The following IL7R variants were observed in gnomAD, a reference collection of about 807,000 sequenced individuals.
IL7R encodes the protein interleukin-7 receptor subunit alpha.
A neutral mutation model predicts 47.0 loss-of-function variants in IL7R; 38 were observed. The observed-to-expected ratio is 0.81, with a 90% CI of 0.62 to 1.06. The LOEUF is 1.06. Ranked by LOEUF, IL7R falls within the 50% of genes least tolerant of loss-of-function variation. IL7R has a pLI of 0.00. For synonymous variants in IL7R, 221 were observed against 199.8 expected, an observed-to-expected ratio of 1.11 and a Z score of -0.89; for missense variants, 633 against 534.8, an observed-to-expected ratio of 1.18 and a Z score of -1.81.
Position 35,876,773 on chromosome 5 carries a change from A to AAGGAAATG in IL7R, c.*289_*296dup. ...AAAAAGAGGAAAGAATGAAAGAGTA[A>AAGGAAATG]AGGAAATGATTGAGGAGTGAGGAAG... On this transcript the variant is annotated 3_prime_UTR_variant, in exon 8 of 8. Transcript: ENST00000303115. 1 of 462,394 alleles carries AAGGAAATG rather than the reference A, an allele frequency of 2.2e-6. No homozygotes were observed. 28.6% of individuals were successfully genotyped at this position (462,394 alleles called of 1,614,324 possible). A position where few individuals can be genotyped will look rare whatever the true frequency, so the allele number is the denominator to read the frequency against.
In IL7R at chr5:35,878,659, G is replaced by T. The variant is rs572371508; in HGVS notation, c.*2173G>T. ...GAGGCTCCACAAAATCTCATGCCAG[G>T]TCTCTGATACCTTATTCACAGAAGT... On this transcript the variant is annotated 3_prime_UTR_variant, in exon 8 of 8. Coordinates refer to ENST00000303115, the MANE Select transcript of IL7R (RefSeq NM_002185.5). 4.3e-6 allele frequency: 1 copy of T among 232,590 alleles called. No homozygotes were observed. The highest frequency in any genetic ancestry group is 1.8e-4 in the South Asian group (1 of 5,508). The allele number at this position is 232,590 out of a possible 1,614,324, so 14.4% of individuals were successfully genotyped here.
chr5:35,868,745 C>T (rs756761795), intron 3 of IL7R, among the ~76,000 whole-genome samples: 1 of 152,162 alleles, frequency 6.6e-6, no homozygotes, highest in African/African-American at 2.4e-5. Context: ...TGACAAGGTC[C>T]TGGAGCATCA....
chr5:35,874,451 G>T lies in IL7R; in HGVS notation c.709G>T (p.Glu237Ter). The change falls in exon 6 of 8, where the codon GAG becomes TAG. Residue 237 changes from glutamate to a stop codon, truncating the protein, a stop_gained and splice_region_variant. Coordinates refer to ENST00000303115, the MANE Select transcript of IL7R (RefSeq NM_002185.5). LOFTEE classifies it high-confidence loss of function. ...RTPEINNSSG[E>*]MDPILLTISI... ...CACAATCTATTCTTGCTTTCCAGGG[G>T]AGATGGATCCTATCTTACTAACCAT... is the stretch of plus-strand genomic sequence containing the variant. The T allele has an allele frequency of 1.2e-5, 19 of 1,603,532 alleles. No homozygotes were observed. The highest frequency in any genetic ancestry group is 1.6e-5 in the Non-Finnish European group (19 of 1,170,256).
In IL7R at chr5:35,865,796, A is replaced by T. The variant is rs141270688; in HGVS notation, c.222-1510A>T. 7.0e-3 allele frequency among the ~76,000 whole-genome samples: 1,072 copies of T among 152,322 alleles called. 6 individuals carry two copies. The highest frequency in any genetic ancestry group is 9.2e-3 in the Non-Finnish European group (628 of 68,020). On this transcript the variant is annotated intron_variant, in intron 2 of 7. Transcript: ENST00000303115. ...AACCCCATCAAAAAGTGGGCAAAGG[A>T]TATGAACAGACACTTCTCAAAAGAA...
rs779934180 is a variant in IL7R at position 35,877,662 on chromosome 5, C to A, written c.*1176C>A. On this transcript the variant is annotated 3_prime_UTR_variant, in exon 8 of 8. Coordinates refer to ENST00000303115, the MANE Select transcript of IL7R (RefSeq NM_002185.5). ...CCAAGTTCTCCAGCAATAGAGGCTG[C>A]CACAAACTTCAGGGAGAAAGAGTTA... The A allele has an allele frequency of 4.3e-6, 1 of 233,302 alleles. No homozygotes were observed. The highest frequency in any genetic ancestry group is 8.5e-6 in the Non-Finnish European group (1 of 118,072). The allele number at this position is 233,302 out of a possible 1,614,324, so 14.5% of individuals were successfully genotyped here.
rs911496330 is a variant in IL7R at position 35,871,280 on chromosome 5, G to C, written c.537+67G>C. On this transcript the variant is annotated intron_variant, in intron 4 of 7. Transcript: ENST00000303115. ...TGTTTTCTATTTTGTTGGCCTAGTAGTGCATTTCCCCTGGGAGGGCCCAAC... is the reference window on the plus strand; with the variant it reads ...TGTTTTCTATTTTGTTGGCCTAGTACTGCATTTCCCCTGGGAGGGCCCAAC... The C allele has an allele frequency of 2.5e-5, 34 of 1,339,586 alleles. No homozygotes were observed. In the African/African-American group the frequency reaches 4.1e-4, roughly 16 times the overall value. 83.0% of individuals were successfully genotyped at this position (1,339,586 alleles called of 1,614,324 possible). A position where few individuals can be genotyped will look rare whatever the true frequency, so the allele number is the denominator to read the frequency against.
At chr5:35,859,616 T>G (rs1759748719) in intron 1 of IL7R, among the ~76,000 whole-genome samples, 1 of 152,122 alleles carries the variant, frequency 6.6e-6, no homozygotes, top group African/African-American at 2.4e-5. Context: ...CTGTTTGAGA[T>G]TTGTTGCTTT....
At chr5:35,861,065 A>G in intron 2 of IL7R, 75 bp downstream of exon 2, 1 of 1,434,342 alleles carries the variant, frequency 7.0e-7, no homozygotes, top group South Asian at 1.1e-5. Flanking sequence ...TAATAGCCAC[A>G]AAAGAAAGAA....
chr5:35,859,048 T>C (rs567338328), intron 1 of IL7R, among the ~76,000 whole-genome samples: 3 of 152,328 alleles, frequency 2.0e-5, no homozygotes, highest in East Asian at 3.9e-4. Flanking sequence ...GAAGGGAATT[T>C]TTCTTGGTTA....
rs1353252 is a variant in IL7R at position 35,857,075 on chromosome 5, G to C, written c.82+16G>C. On this transcript the variant is annotated intron_variant, in intron 1 of 7. Transcript: ENST00000303115. Reference sequence around the variant, plus strand: ...GCTCAAAATGGTGAGTCATTTCTAAGTTTTCTTATGGATTTTGGATTATCT... The same window carrying C: ...GCTCAAAATGGTGAGTCATTTCTAACTTTTCTTATGGATTTTGGATTATCT... 0.66 allele frequency: 995,999 copies of C among 1,504,278 alleles called. 335,029 individuals carry two copies. The highest frequency in any genetic ancestry group is 0.88 in the African/African-American group (63,670 of 72,710). The allele number at this position is 1,504,278 out of a possible 1,614,324, so 93.2% of individuals were successfully genotyped here. A position where few individuals can be genotyped will look rare whatever the true frequency, so the allele number is the denominator to read the frequency against.
chr5:35,878,588 A>C lies in IL7R; in HGVS notation c.*2102A>C. 1 of 232,950 alleles carries C rather than the reference A, an allele frequency of 4.3e-6. No individual in the cohort carries two copies. The highest frequency in any genetic ancestry group is 8.5e-6 in the Non-Finnish European group (1 of 117,836). 14.4% of individuals were successfully genotyped at this position (232,950 alleles called of 1,614,324 possible). ...CAGAAGACATTTTTCATCAGTGGGC[A>C]GGTGTTCTTTACCTTTTGTAGAAAT... is the stretch of plus-strand genomic sequence containing the variant. On this transcript the variant is annotated 3_prime_UTR_variant, in exon 8 of 8. Coordinates refer to ENST00000303115, the MANE Select transcript of IL7R (RefSeq NM_002185.5).
chr5:35,877,911 G>A lies in IL7R; in HGVS notation c.*1425G>A, dbSNP rs1254349692. The A allele has an allele frequency of 4.3e-6, 1 of 233,034 alleles. No individual in the cohort carries two copies. The highest frequency in any genetic ancestry group is 8.5e-6 in the Non-Finnish European group (1 of 118,050). The allele number at this position is 233,034 out of a possible 1,614,324, so 14.4% of individuals were successfully genotyped here. A position where few individuals can be genotyped will look rare whatever the true frequency, so the allele number is the denominator to read the frequency against. On this transcript the variant is annotated 3_prime_UTR_variant, in exon 8 of 8. Coordinates refer to ENST00000303115, the MANE Select transcript of IL7R (RefSeq NM_002185.5). ...CCTGGCTGTTCACAGAACCACAAAG[G>A]GCAGATGCTGCACAGAAAACTAGAG...
In IL7R at chr5:35,860,911, G is replaced by A; in HGVS notation, c.142G>A (p.Val48Met). ...ATTCTCATGCTATAGCCAGTTGGAA[G>A]TGAATGGATCGCAGCACTCACTGAC... ...YSFSCYSQLE[V>M]NGSQHSLTCA... is the part of the protein sequence containing the mutation. The change falls in exon 2 of 8, where the codon GTG becomes ATG. Residue 48 changes from valine to methionine, a missense_variant. Physicochemically the swap from Val to Met is conservative, Grantham distance 21. Coordinates refer to ENST00000303115, the MANE Select transcript of IL7R (RefSeq NM_002185.5). 6.2e-7 allele frequency: 1 copy of A among 1,613,620 alleles called. No individual in the cohort carries two copies. Among genetic ancestry groups the A allele is most frequent in the Non-Finnish European group, 8.5e-7 (1 of 1,179,552 alleles).
In IL7R at chr5:35,876,691, AC is replaced by A. The variant is rs1234477731; in HGVS notation, c.*207del. ...CATGAGTCAAGAGCATCCTGCTTCT[AC>A]CATGTGGATTTGGTCACAAGGTTTA... On this transcript the variant is annotated 3_prime_UTR_variant, in exon 8 of 8. Transcript: ENST00000303115. 1.6e-6 allele frequency: 1 copy of A among 617,790 alleles called. No individual in the cohort carries two copies. The highest frequency in any genetic ancestry group is 1.8e-5 in the African/African-American group (1 of 54,388). The allele number at this position is 617,790 out of a possible 1,614,324, so 38.3% of individuals were successfully genotyped here.
intron 3 of IL7R, among the ~76,000 whole-genome samples, chr5:35,867,785 A>G (rs1233408057): frequency 6.6e-6 from 1 of 151,932 alleles, no homozygotes; most frequent in African/African-American, 2.4e-5. Context: ...TTCCTTCCTT[A>G]CCTGTCCTTC....
Position 35,873,503 on chromosome 5 carries a change from GC to G in IL7R, c.562del (p.Leu188Ter), listed in dbSNP as rs1387689607. The G allele has an allele frequency of 3.1e-6, 5 of 1,613,982 alleles. No homozygotes were observed. Among genetic ancestry groups the G allele is most frequent in the East Asian group, 4.5e-5 (2 of 44,874 alleles). ...AGCATGTGAATTTATCCAGCACAAA[GC>G]TGACACTCCTGCAGAGAAAGCTCCA... ...WTHVNLSSTK[L>X]TLLQRKLQPA... On this transcript the variant is annotated frameshift_variant, in exon 5 of 8. Transcript: ENST00000303115. LOFTEE classifies it high-confidence loss of function.
chr5:35,876,663 C>T lies in IL7R; in HGVS notation c.*177C>T. ...CACTCTTCCTGAGTTCAGTGGCACT[C>T]AACATGAGTCAAGAGCATCCTGCTT... On this transcript the variant is annotated 3_prime_UTR_variant, in exon 8 of 8. Coordinates refer to ENST00000303115, the MANE Select transcript of IL7R (RefSeq NM_002185.5). The T allele has an allele frequency of 1.5e-6, 1 of 684,380 alleles. No homozygotes were observed. Among genetic ancestry groups the T allele is most frequent in the South Asian group, 1.7e-5 (1 of 58,024 alleles). The allele number at this position is 684,380 out of a possible 1,614,324, so 42.4% of individuals were successfully genotyped here. A position where few individuals can be genotyped will look rare whatever the true frequency, so the allele number is the denominator to read the frequency against.
chr5:35,878,952 G>A lies in IL7R; in HGVS notation c.*2466G>A, dbSNP rs934779198. ...GTCTGAGCCTCTGTCTGTTACTGTA[G>A]TATTTAAAATGCATGTATTATAATC... On this transcript the variant is annotated 3_prime_UTR_variant, in exon 8 of 8. Coordinates refer to ENST00000303115, the MANE Select transcript of IL7R (RefSeq NM_002185.5). 3.0e-5 allele frequency: 7 copies of A among 232,648 alleles called. No homozygotes were observed. Among genetic ancestry groups the A allele is most frequent in the African/African-American group, 1.5e-4 (7 of 45,288 alleles). The allele number at this position is 232,648 out of a possible 1,614,324, so 14.4% of individuals were successfully genotyped here. A position where few individuals can be genotyped will look rare whatever the true frequency, so the allele number is the denominator to read the frequency against.
chr5:35,875,418 GTTC>G, intron 6 of IL7R, 91 bp from the exon 7 acceptor site: 1 of 904,310 alleles, frequency 1.1e-6, no homozygotes, highest in Admixed American at 1.8e-5. Context: ...CTAGAAATCT[GTTC>G]TTCTGATTCC....
Sources: allele counts gnomAD v4.1 joint callset (sites outside exome capture counted in the v4.1 genomes callset), GRCh38; gene constraint gnomAD v4.1.1; transcripts MANE v1.5; gene names NCBI Gene and HGNC (gene_info 2026-07-23, HGNC 2026-07-21).